The following PATJ variants were observed in gnomAD, a reference collection of about 807,000 sequenced individuals.
PATJ encodes the protein PATJ crumbs cell polarity complex component, also known as inaD-like protein.
Under a neutral mutation model 224.9 loss-of-function variants are expected in PATJ, and 190 were observed. The ratio of observed to expected loss-of-function variants is 0.84; its 90% confidence interval spans 0.75 to 0.95. PATJ has a LOEUF of 0.95. Ranked by LOEUF, PATJ falls within the 40% of genes least tolerant of loss-of-function variation. The probability of loss-of-function intolerance (pLI) is 0.00; values close to 1 mark genes in which losing one functional copy is unlikely to be tolerated. For missense variants in PATJ, 2,121 were observed against 2,270.3 expected, an observed-to-expected ratio of 0.93 and a Z score of 1.34; for synonymous variants, 769 against 820.3, an observed-to-expected ratio of 0.94 and a Z score of 1.07.
chr1:61,755,952 C>A (rs1557585033), intron 1 of PATJ, among the ~76,000 whole-genome samples: 1 of 152,082 alleles, frequency 6.6e-6, no homozygotes, highest in East Asian at 1.9e-4. Context: ...CAGGCACCTG[C>A]CACCACACCA....
intron 18 of PATJ, among the ~76,000 whole-genome samples, chr1:61,858,126 A>T (rs1226736484): frequency 1.3e-5 from 2 of 152,162 alleles, no homozygotes; most frequent in East Asian, 3.9e-4. Flanking sequence ...CTGTACAGGA[A>T]GCATGGTGGC....
intron 27 of PATJ, among the ~76,000 whole-genome samples, chr1:61,985,172 C>A (rs1041042773): frequency 6.6e-6 from 1 of 152,014 alleles, no homozygotes. Context: ...GTTAGCTGGG[C>A]GCGGTGGCGC....
intron 27 of PATJ, among the ~76,000 whole-genome samples, chr1:61,935,991 G>C (rs1163212072): frequency 6.6e-6 from 1 of 151,486 alleles, no homozygotes; most frequent in Non-Finnish European, 1.5e-5. Context: ...AGCTTAGAAG[G>C]GATAACTTTA....
intron 27 of PATJ, among the ~76,000 whole-genome samples, chr1:61,946,361 G>A (rs1678706089): frequency 6.6e-6 from 1 of 152,024 alleles, no homozygotes; most frequent in Admixed American, 6.6e-5. Flanking sequence ...TCAAAGAGAT[G>A]CAATAAAAAA....
intron 11 of PATJ, among the ~76,000 whole-genome samples, chr1:61,797,657 C>T (rs529672581): frequency 2.6e-5 from 4 of 152,326 alleles, no homozygotes; most frequent in East Asian, 1.9e-4. Context: ...GCTCTGAGAG[C>T]ATCTCTAAAT....
chr1:61,801,613 T>G lies in PATJ; in HGVS notation c.1403-10T>G. 1 of 1,480,456 alleles carries G rather than the reference T, an allele frequency of 6.8e-7. No individual in the cohort carries two copies. The highest frequency in any genetic ancestry group is 9.0e-7 in the Non-Finnish European group (1 of 1,110,644). The allele number at this position is 1,480,456 out of a possible 1,614,324, so 91.7% of individuals were successfully genotyped here. A position where few individuals can be genotyped will look rare whatever the true frequency, so the allele number is the denominator to read the frequency against. ...ACAAAATTTTAAAAAATTATTTTTT[T>G]TTGTTTTAGGAACTGTTGTAGAACC... On this transcript the variant is annotated splice_polypyrimidine_tract_variant and intron_variant, in intron 11 of 43. Coordinates refer to ENST00000642238, the MANE Select transcript of PATJ (RefSeq NM_001350145.3).
At chr1:61,818,541 C>T (rs753607474) in intron 14 of PATJ, among the ~76,000 whole-genome samples, 4 of 152,140 alleles carry the variant, frequency 2.6e-5, no homozygotes, top group African/African-American at 4.8e-5. Flanking sequence ...GTCCTGCTCC[C>T]GCAGAGAAGC....
At chr1:61,814,548 G>GCA (rs1655691939) in intron 14 of PATJ, among the ~76,000 whole-genome samples, 1 of 53,830 alleles carries the variant, frequency 1.9e-5, no homozygotes. Flanking sequence ...GTGTGTGTGT[G>GCA]CGCGCGCGCG....
At chr1:62,103,524 G>A (rs561819462) in intron 33 of PATJ, among the ~76,000 whole-genome samples, 2 of 152,292 alleles carry the variant, frequency 1.3e-5, no homozygotes, top group South Asian at 2.1e-4. Context: ...AGGCCAAGGC[G>A]GGTGGATCAC....
chr1:61,757,810 C>T (rs892564686), intron 1 of PATJ, among the ~76,000 whole-genome samples: 18 of 152,126 alleles, frequency 1.2e-4, no homozygotes, highest in Admixed American at 3.9e-4. Flanking sequence ...ACTACATTGA[C>T]TATCTTTCTA....
intron 30 of PATJ, among the ~76,000 whole-genome samples, chr1:62,042,984 G>A (rs1000272664): frequency 2.0e-5 from 3 of 152,106 alleles, no homozygotes; most frequent in African/African-American, 4.8e-5. Flanking sequence ...TTCTAGACCC[G>A]AAGGGTATCG....
At chr1:61,777,342 C>T (rs1281337429) in intron 7 of PATJ, among the ~76,000 whole-genome samples, 1 of 152,018 alleles carries the variant, frequency 6.6e-6, no homozygotes, top group Non-Finnish European at 1.5e-5. Flanking sequence ...AGGTGGGAGG[C>T]TCTCTTGAGC....
intron 33 of PATJ, among the ~76,000 whole-genome samples, chr1:62,100,133 T>A (rs972250508): frequency 1.3e-5 from 2 of 152,202 alleles, no homozygotes; most frequent in Admixed American, 6.5e-5. Flanking sequence ...TAAATTGCTC[T>A]CTGAGCTAAA....
intron 34 of PATJ, 70 bp downstream of exon 34, chr1:62,108,590 G>A: frequency 2.4e-6 from 2 of 849,922 alleles, no homozygotes; most frequent in Non-Finnish European, 3.7e-6. Flanking sequence ...CCATAAAGTT[G>A]TCTTTCTACT....
At chr1:61,931,857 A>C (rs762279519) in intron 27 of PATJ, among the ~76,000 whole-genome samples, 1 of 152,264 alleles carries the variant, frequency 6.6e-6, no homozygotes, top group Non-Finnish European at 1.5e-5. Flanking sequence ...ACTGTGACCC[A>C]CAGTGAAATA....
chr1:61,868,760 G>T (rs1665798161), intron 20 of PATJ, among the ~76,000 whole-genome samples: 1 of 152,038 alleles, frequency 6.6e-6, no homozygotes. Context: ...CTGCACTCCA[G>T]CCTGGGCAAC....
At chr1:61,821,079 C>T (rs1164633645) in intron 14 of PATJ, among the ~76,000 whole-genome samples, 4 of 149,806 alleles carry the variant, frequency 2.7e-5, no homozygotes, top group African/African-American at 9.8e-5. Context: ...CTCGCTCTGT[C>T]GCCCAGGCTG....
At chr1:61,997,536 T>A (rs1645437033) in intron 28 of PATJ, among the ~76,000 whole-genome samples, 1 of 152,232 alleles carries the variant, frequency 6.6e-6, no homozygotes, top group Non-Finnish European at 1.5e-5. Context: ...GGGTGCTGAA[T>A]AGGGAATTGA....
chr1:61,937,648 TTC>T (rs1282255572), intron 27 of PATJ, among the ~76,000 whole-genome samples: 9 of 83,850 alleles, frequency 1.1e-4, no homozygotes, highest in Admixed American at 5.4e-4. Flanking sequence ...GACTTTCTTC[TTC>T]TTTTTTTTTT....
Sources: gnomAD v4.1 joint callset for allele counts (sites outside exome capture counted in the v4.1 genomes callset) on GRCh38, gnomAD v4.1.1 for gene constraint, MANE v1.5 for transcripts, NCBI Gene and HGNC (gene_info 2026-07-23, HGNC 2026-07-21) for gene names.